OTOGL: variants seen among roughly 807,000 people sequenced by gnomAD.
OTOGL encodes otogelin like.
OTOGL carries 285 observed loss-of-function variants against 318.5 expected under a neutral mutation model. The observed-to-expected ratio is 0.89, with a 90% CI of 0.81 to 0.99. The LOEUF (loss-of-function observed/expected upper bound fraction) is 0.99, where lower values mean the gene tolerates loss of function less well. Ranked by LOEUF, OTOGL falls within the 50% of genes least tolerant of loss-of-function variation. The pLI is 0.00. For missense variants in OTOGL, 2,899 were observed against 2,845.6 expected (o/e 1.02, Z -0.43); for synonymous variants, 987 against 936.5 (o/e 1.05, Z -0.99).
intron 26 of OTOGL, among the ~76,000 whole-genome samples, chr12:80,290,698 A>T (rs887536743): frequency 6.6e-6 from 1 of 152,356 alleles, no homozygotes; most frequent in East Asian, 1.9e-4. Flanking sequence ...CATTTCTACC[A>T]AAAGCATTAA....
chr12:80,139,195 C>T (rs958384169), intron 1 of OTOGL, among the ~76,000 whole-genome samples: 4 of 152,084 alleles, frequency 2.6e-5, no homozygotes, highest in African/African-American at 7.2e-5. Flanking sequence ...TTGATCATGG[C>T]GGGTGAAGCA....
intron 1 of OTOGL, among the ~76,000 whole-genome samples, chr12:80,135,808 T>A (rs1871532239): frequency 6.6e-6 from 1 of 152,162 alleles, no homozygotes; most frequent in South Asian, 2.1e-4. Context: ...TTGCCTTCCA[T>A]AAGGTGGGTG....
intron 11 of OTOGL, among the ~76,000 whole-genome samples, chr12:80,240,466 T>TA (rs1219483849): frequency 2.6e-5 from 4 of 152,030 alleles, no homozygotes; most frequent in Admixed American, 6.5e-5. Flanking sequence ...TCAAAATAAT[T>TA]AAAAAATGAA....
At chr12:80,244,306 G>A (rs1178939496) in intron 11 of OTOGL, among the ~76,000 whole-genome samples, 1 of 140,082 alleles carries the variant, frequency 7.1e-6, no homozygotes, top group East Asian at 2.1e-4. Flanking sequence ...ATCTCCCAAT[G>A]CTATCCCTCC....
intron 55 of OTOGL, among the ~76,000 whole-genome samples, chr12:80,369,461 GT>G (rs1167797386): frequency 6.6e-6 from 1 of 152,080 alleles, no homozygotes; most frequent in African/African-American, 2.4e-5. Context: ...GCTTTTAAGA[GT>G]GTAGCAGTTA....
At chr12:80,373,485 C>A (rs917301997) in intron 57 of OTOGL, among the ~76,000 whole-genome samples, 1 of 151,498 alleles carries the variant, frequency 6.6e-6, no homozygotes, top group Non-Finnish European at 1.5e-5. Context: ...TGGTATAGGG[C>A]CAGATTCTTA....
At chr12:80,307,435 G>T (rs951000417) in intron 29 of OTOGL, among the ~76,000 whole-genome samples, 1 of 148,908 alleles carries the variant, frequency 6.7e-6, no homozygotes, top group Admixed American at 6.6e-5. Context: ...CCAGACGGGG[G>T]GCTGACCCCC....
chr12:80,207,214 T>TG (rs1876873585), intron 1 of OTOGL, among the ~76,000 whole-genome samples: 1 of 152,174 alleles, frequency 6.6e-6, no homozygotes, highest in South Asian at 2.1e-4. Context: ...AATTTTTTTT[T>TG]CTTTGATATG....
intron 1 of OTOGL, among the ~76,000 whole-genome samples, chr12:80,113,136 C>A (rs990608631): frequency 2.0e-5 from 3 of 151,876 alleles, no homozygotes; most frequent in South Asian, 2.1e-4. Flanking sequence ...CTATTTGATT[C>A]TTCTTTCTTT....
At chr12:80,303,971 T>A (rs914838961) in intron 28 of OTOGL, among the ~76,000 whole-genome samples, 3 of 152,240 alleles carry the variant, frequency 2.0e-5, no homozygotes, top group Admixed American at 2.0e-4. Context: ...TCATGTTGCT[T>A]CTTTATTGTC....
intron 1 of OTOGL, among the ~76,000 whole-genome samples, chr12:80,142,599 A>G (rs1872025305): frequency 6.6e-6 from 1 of 152,136 alleles, no homozygotes; most frequent in African/African-American, 2.4e-5. Flanking sequence ...CACTATCCCA[A>G]GGCCAGGAGA....
chr12:80,333,251 C>T (rs529547293), intron 38 of OTOGL, among the ~76,000 whole-genome samples, 173 bp downstream of exon 38: 12 of 151,666 alleles, frequency 7.9e-5, no homozygotes, highest in South Asian at 2.1e-4. Context: ...ACTGATATTT[C>T]TTATTAATTA....
Position 80,270,087 on chromosome 12 carries a change from T to C in OTOGL, c.2466-15T>C. The C allele has an allele frequency of 6.4e-7, 1 of 1,571,950 alleles. No individual in the cohort carries two copies. The highest frequency in any genetic ancestry group is 8.7e-7 in the Non-Finnish European group (1 of 1,149,922). On this transcript the variant is annotated splice_polypyrimidine_tract_variant and intron_variant, in intron 22 of 58. Transcript: ENST00000547103. Reference sequence around the variant, plus strand: ...CAGATTTGGTTCCATAAATTAACTATTTATTTACTTCTAGCCAGTGTTCAA... The same window carrying C: ...CAGATTTGGTTCCATAAATTAACTACTTATTTACTTCTAGCCAGTGTTCAA...
Position 80,379,141 on chromosome 12 carries a change from G to C in OTOGL, c.*1093G>C, listed in dbSNP as rs868679201. 6.6e-6 allele frequency: 1 copy of C among 152,324 alleles called. No homozygotes were observed. The highest frequency in any genetic ancestry group is 1.5e-5 in the Non-Finnish European group (1 of 67,876). 9.4% of individuals were successfully genotyped at this position (152,324 alleles called of 1,614,324 possible). A position where few individuals can be genotyped will look rare whatever the true frequency, so the allele number is the denominator to read the frequency against. On this transcript the variant is annotated 3_prime_UTR_variant, in exon 59 of 59. Coordinates refer to ENST00000547103, the MANE Select transcript of OTOGL (RefSeq NM_001378609.3). The stretch of plus-strand genomic sequence containing the variant: ...TATGGTAGATTATTGACATTTGCAA[G>C]AAGAATGTATTGAGGTCTTTGGAAA...
At chr12:80,113,289 T>G (rs1869960507) in intron 1 of OTOGL, among the ~76,000 whole-genome samples, 1 of 152,044 alleles carries the variant, frequency 6.6e-6, no homozygotes. Flanking sequence ...CTTGTCTTCT[T>G]CTAGCTTTTG....
intron 1 of OTOGL, among the ~76,000 whole-genome samples, chr12:80,113,938 C>A (rs1011812700): frequency 6.6e-6 from 1 of 151,976 alleles, no homozygotes; most frequent in African/African-American, 2.4e-5. Flanking sequence ...ATTGCAACAC[C>A]TGCTTTTTTT....
At chr12:80,224,722 A>T (rs1416583185) in intron 7 of OTOGL, among the ~76,000 whole-genome samples, 1 of 152,034 alleles carries the variant, frequency 6.6e-6, no homozygotes, top group Non-Finnish European at 1.5e-5. Flanking sequence ...CAGCTTGGCC[A>T]CTGTTGGTGT....
intron 1 of OTOGL, chr12:80,132,564 A>G (rs1354408856): frequency 1.3e-5 from 2 of 152,202 alleles, no homozygotes; most frequent in African/African-American, 4.8e-5. Flanking sequence ...AATGTTTTAG[A>G]CAGTGACTTT....
chr12:80,237,155 AC>A lies in OTOGL; in HGVS notation c.818-1695del, dbSNP rs1269443641. Among the ~76,000 whole-genome samples, 7 of 152,122 alleles carry A rather than the reference AC, an allele frequency of 4.6e-5. 1 individual carries two copies. In the Middle Eastern group the frequency reaches 0.014, roughly 296 times the overall value. ...TCTAATAATCTCTTTAATAAATTTC[AC>A]AAATTCCCCTATATGTATTCATTCA... is the stretch of plus-strand genomic sequence containing the variant. On this transcript the variant is annotated intron_variant, in intron 9 of 58. Coordinates refer to ENST00000547103, the MANE Select transcript of OTOGL (RefSeq NM_001378609.3).
Sources: gnomAD v4.1 joint callset for allele counts (sites outside exome capture counted in the v4.1 genomes callset) on GRCh38, gnomAD v4.1.1 for gene constraint, MANE v1.5 for transcripts, NCBI Gene and HGNC (gene_info 2026-07-23, HGNC 2026-07-21) for gene names.